Variants in NR2F2 observed in about 807,000 individuals in gnomAD.
NR2F2 encodes COUP transcription factor 2.
In NR2F2, 2 loss-of-function variants were observed where a neutral mutation model predicts 34.8. That is an observed-to-expected ratio of 0.06 (90% CI 0.02 to 0.18). The LOEUF is 0.18. Ranked by LOEUF, NR2F2 falls within the 10% of genes least tolerant of loss-of-function variation. The pLI, the probability that NR2F2 is intolerant of heterozygous loss-of-function variation, is 1.00. For synonymous variants in NR2F2, 274 were observed against 251.8 expected (o/e 1.09, Z -0.84); for missense variants, 300 against 580.1 (o/e 0.52, Z 4.96).
chr15:96,326,253 C>A (rs1347998045), upstream of NR2F2: 9 of 1,412,956 alleles, frequency 6.4e-6, no homozygotes, highest in Non-Finnish European at 9.0e-6. This position sits in a 1 kb window ranked among gnomAD's most constrained non-coding sequence, Gnocchi z 5.5. Flanking sequence ...AGGGGGCCAA[C>A]AAAGCATTTA....
rs1471681111 is a variant in NR2F2, at chr15:96,337,333, TA to T, written c.971-12del. 1 of 1,602,422 alleles carries T rather than the reference TA, an allele frequency of 6.2e-7. No individual in the cohort carries two copies. Among genetic ancestry groups the T allele is most frequent in the Non-Finnish European group, 8.5e-7 (1 of 1,174,140 alleles). ...TTTCTTCTTCTTCTTCTTCTGTTTTTAAACTTTCTTCCAGATGCCTGTGGTC... is the reference window on the plus strand; with the variant it reads ...TTTCTTCTTCTTCTTCTTCTGTTTTTAACTTTCTTCCAGATGCCTGTGGTC... On this transcript the variant is annotated splice_polypyrimidine_tract_variant and intron_variant, in intron 2 of 2. Coordinates refer to ENST00000394166, the MANE Select transcript of NR2F2 (RefSeq NM_021005.4).
At chr15:96,328,706 G>C (rs1205573210), upstream of NR2F2, among the ~76,000 whole-genome samples, 7 of 151,272 alleles carry the variant, frequency 4.6e-5, no homozygotes, top group African/African-American at 1.7e-4. Context: ...TCATTCTGTG[G>C]CAATCTTATT....
At position 96,331,545 on chromosome 15, in the gene NR2F2, T is replaced by C. The variant is rs1044320006; in HGVS notation, c.-561T>C. On this transcript the variant is annotated 5_prime_UTR_variant, in exon 1 of 3. Transcript: ENST00000394166. ...CCCGGACAGTCGCCTCTCCTCCTCC[T>C]CTACCTCCTCCTTCACCACCACCTC... The C allele has an allele frequency of 4.1e-6, 5 of 1,228,870 alleles. No homozygotes were observed. The highest frequency in any genetic ancestry group is 5.1e-6 in the Non-Finnish European group (5 of 987,084). 76.1% of individuals were successfully genotyped at this position (1,228,870 alleles called of 1,614,324 possible).
Position 96,338,308 on chromosome 15 carries a change from A to T in NR2F2, c.*686A>T, listed in dbSNP as rs998382680. 3 of 152,718 alleles carry T rather than the reference A, an allele frequency of 2.0e-5. No individual in the cohort carries two copies. Among genetic ancestry groups the T allele is most frequent in the Admixed American group, 2.0e-4 (3 of 15,304 alleles). 9.5% of individuals were successfully genotyped at this position (152,718 alleles called of 1,614,324 possible). A position where few individuals can be genotyped will look rare whatever the true frequency, so the allele number is the denominator to read the frequency against. On this transcript the variant is annotated 3_prime_UTR_variant, in exon 3 of 3. Transcript: ENST00000394166. ...ACTGGAGGAACCACATATAACACTT[A>T]ACTTCCCCTACCCTGCCCCTCCCCA...
upstream of NR2F2, chr15:96,326,099 G>A: frequency 1.6e-6 from 1 of 610,516 alleles, no homozygotes; most frequent in Non-Finnish European, 2.9e-6. This position sits in a 1 kb window ranked among gnomAD's most constrained non-coding sequence, Gnocchi z 5.5. Flanking sequence ...ACATGGGGAA[G>A]CACTTCCTTG....
chr15:96,337,745 G>T lies in NR2F2; in HGVS notation c.*123G>T, dbSNP rs1410745553. ...ATGTTACAAGTTTGCTAAAAGAAGA[G>T]AGGGGAAGAATTTAATGGACTGTGA... On this transcript the variant is annotated 3_prime_UTR_variant, in exon 3 of 3. Transcript: ENST00000394166. 7 of 748,578 alleles carry T rather than the reference G, an allele frequency of 9.4e-6. No homozygotes were observed. In the African/African-American group the frequency reaches 1.3e-4, roughly 14 times the overall value. 46.4% of individuals were successfully genotyped at this position (748,578 alleles called of 1,614,324 possible).
At position 96,340,178 on chromosome 15, in the gene NR2F2, T is replaced by C. The variant is rs1899462716; in HGVS notation, c.*2556T>C. On this transcript the variant is annotated 3_prime_UTR_variant, in exon 3 of 3. Coordinates refer to ENST00000394166, the MANE Select transcript of NR2F2 (RefSeq NM_021005.4). ...ACACAGGCCCTTTTCCTTGTTTGTT[T>C]TGTGTTAGTTTATTGTAAACAGCCA... 1 of 152,230 alleles carries C rather than the reference T, an allele frequency of 6.6e-6. No homozygotes were observed. The highest frequency in any genetic ancestry group is 1.5e-5 in the Non-Finnish European group (1 of 68,048). The allele number at this position is 152,230 out of a possible 1,614,324, so 9.4% of individuals were successfully genotyped here. A position where few individuals can be genotyped will look rare whatever the true frequency, so the allele number is the denominator to read the frequency against.
At chr15:96,328,764 C>CTT (rs58051222), upstream of NR2F2, among the ~76,000 whole-genome samples, 697 of 138,736 alleles carry the variant, frequency 5.0e-3, 12 homozygotes, top group East Asian at 0.06. Flanking sequence ...GTTTGCTGGG[C>CTT]TTTTTTTTTT....
In NR2F2 at chr15:96,331,924, G is replaced by A. The variant is rs1381868235; in HGVS notation, c.-182G>A. ...ACTTTGCAAAAGCAAAAACAAAAAA[G>A]GAAAAACTAACCAACCTCAACCAAC... On this transcript the variant is annotated 5_prime_UTR_variant, in exon 1 of 3. Coordinates refer to ENST00000394166, the MANE Select transcript of NR2F2 (RefSeq NM_021005.4). 1 of 1,208,238 alleles carries A rather than the reference G, an allele frequency of 8.3e-7. No individual in the cohort carries two copies. The allele number at this position is 1,208,238 out of a possible 1,614,324, so 74.8% of individuals were successfully genotyped here. A position where few individuals can be genotyped will look rare whatever the true frequency, so the allele number is the denominator to read the frequency against.
chr15:96,330,169 G>C (rs1191790971), upstream of NR2F2, among the ~76,000 whole-genome samples: 5 of 152,156 alleles, frequency 3.3e-5, no homozygotes, highest in Non-Finnish European at 7.3e-5. Context: ...GGCATTGTGG[G>C]TACTAAGATG....
chr15:96,337,937 A>C lies in NR2F2; in HGVS notation c.*315A>C, dbSNP rs551112654. The C allele has an allele frequency of 9.0e-6, 2 of 221,880 alleles. No homozygotes were observed. Among genetic ancestry groups the C allele is most frequent in the African/African-American group, 4.6e-5 (2 of 43,864 alleles). The allele number at this position is 221,880 out of a possible 1,614,324, so 13.7% of individuals were successfully genotyped here. ...TAAATTTTTGAAAAATATTGCTAAA[A>C]GTGCATTTAAGGAGATTGGGAGACA... On this transcript the variant is annotated 3_prime_UTR_variant, in exon 3 of 3. Coordinates refer to ENST00000394166, the MANE Select transcript of NR2F2 (RefSeq NM_021005.4).
chr15:96,335,208 T>C (rs2001192), intron 2 of NR2F2, among the ~76,000 whole-genome samples: 31,156 of 152,240 alleles, frequency 0.2, 3,982 homozygotes, highest in East Asian at 0.58. Context: ...GTCATAACTC[T>C]TCAGAATGTC....
In NR2F2 at chr15:96,330,788, T is replaced by C. The variant is rs1020974097; in HGVS notation, c.-1318T>C. 1.2e-5 allele frequency: 12 copies of C among 963,726 alleles called. No homozygotes were observed. In the Admixed American group the frequency reaches 3.1e-4, roughly 25 times the overall value. The allele number at this position is 963,726 out of a possible 1,614,324, so 59.7% of individuals were successfully genotyped here. A position where few individuals can be genotyped will look rare whatever the true frequency, so the allele number is the denominator to read the frequency against. ...AGCATATTTGATCACTTTGATTCTC[T>C]GTTCTTTTCTCTCCGCGGTGTGTGT... is the stretch of plus-strand genomic sequence containing the variant. On this transcript the variant is annotated 5_prime_UTR_variant, in exon 1 of 3. Transcript: ENST00000394166.
chr15:96,330,218 G>A (rs1899090383), upstream of NR2F2, among the ~76,000 whole-genome samples: 1 of 152,150 alleles, frequency 6.6e-6, no homozygotes, highest in South Asian at 2.1e-4. Context: ...GGCGGAATTC[G>A]TGACATCGCC....
intron 1 of NR2F2, chr15:96,333,342 T>A (rs1899210529): frequency 2.0e-6 from 2 of 1,001,916 alleles, no homozygotes; most frequent in Non-Finnish European, 2.4e-6. Flanking sequence ...ACTCTCCCGG[T>A]CCGGAGTCAG....
At chr15:96,326,209 A>G, upstream of NR2F2, 1 of 959,462 alleles carries the variant, frequency 1.0e-6, no homozygotes, top group Non-Finnish European at 1.7e-6. This position sits in a 1 kb window ranked among gnomAD's most constrained non-coding sequence, Gnocchi z 5.5. Flanking sequence ...ACCGAGGAGG[A>G]GATTCTCTTT....
upstream of NR2F2, among the ~76,000 whole-genome samples, chr15:96,330,265 G>C (rs1368502097): frequency 1.3e-5 from 2 of 152,158 alleles, no homozygotes; most frequent in African/African-American, 4.8e-5. Flanking sequence ...TCCATCCAAA[G>C]CCTCTCGCGG....
chr15:96,333,633 G>A, intron 1 of NR2F2: 1 of 1,043,294 alleles, frequency 9.6e-7, no homozygotes, highest in East Asian at 7.5e-5. Flanking sequence ...GTGGCCACAG[G>A]CCGTCTGGGG....
chr15:96,327,058 G>A (rs1899012093), upstream of NR2F2: 1 of 152,352 alleles, frequency 6.6e-6, no homozygotes. Flanking sequence ...GCAATTCTGT[G>A]CTCTGTCCAG....
Sources: allele counts gnomAD v4.1 joint callset (sites outside exome capture counted in the v4.1 genomes callset), GRCh38; gene constraint gnomAD v4.1.1; non-coding constraint Gnocchi (gnomAD v3.1); transcripts MANE v1.5; gene names NCBI Gene and HGNC (gene_info 2026-07-23, HGNC 2026-07-21).